The following ARHGAP24 variants were observed in gnomAD, a reference collection of about 807,000 sequenced individuals.
ARHGAP24 encodes Rho GTPase activating protein 24.
Under a neutral mutation model 76.4 loss-of-function variants are expected in ARHGAP24, and 50 were observed. That is an observed-to-expected ratio of 0.65 (90% CI 0.52 to 0.83). The LOEUF (loss-of-function observed/expected upper bound fraction) is 0.83. Ranked by LOEUF, ARHGAP24 falls within the 40% of genes least tolerant of loss-of-function variation. ARHGAP24 has a pLI of 0.00. For synonymous variants in ARHGAP24, 345 were observed against 323.3 expected (o/e 1.07, Z -0.72); for missense variants, 930 against 914.2 (o/e 1.02, Z -0.22).
chr4:85,707,091 A>T (rs1428692532), intron 2 of ARHGAP24, among the ~76,000 whole-genome samples: 2 of 152,102 alleles, frequency 1.3e-5, no homozygotes, highest in African/African-American at 4.8e-5. Context: ...ATTTTTAAAA[A>T]TTTTTTGTGG....
rs760179123 is a variant in ARHGAP24, at chr4:85,778,571, G to A, written c.268+56599G>A. On this transcript the variant is annotated intron_variant, in intron 3 of 9. Transcript: ENST00000395184. ...TTCACCCGGCTAAATTATATTTAAGGTCCTGATGAGCTTTCTATGATTCCT... is the reference window on the plus strand; with the variant it reads ...TTCACCCGGCTAAATTATATTTAAGATCCTGATGAGCTTTCTATGATTCCT... 3.5e-4 allele frequency: 246 copies of A among 702,950 alleles called. 1 individual carries two copies. Among genetic ancestry groups the A allele is most frequent in the Non-Finnish European group, 4.1e-4 (233 of 572,200 alleles). The allele number at this position is 702,950 out of a possible 1,614,324, so 43.5% of individuals were successfully genotyped here. A position where few individuals can be genotyped will look rare whatever the true frequency, so the allele number is the denominator to read the frequency against.
intron 7 of ARHGAP24, among the ~76,000 whole-genome samples, chr4:85,977,344 G>A (rs1316334362): frequency 6.6e-6 from 1 of 152,088 alleles, no homozygotes; most frequent in Admixed American, 6.5e-5. Context: ...ATCAAAGCAG[G>A]CCAGGCCAAG....
chr4:85,547,325 C>T (rs1725957456), intron 1 of ARHGAP24, among the ~76,000 whole-genome samples: 1 of 152,106 alleles, frequency 6.6e-6, no homozygotes, highest in Admixed American at 6.5e-5. Flanking sequence ...GTCTGTTTAT[C>T]CATAATTGGA....
At chr4:85,511,852 A>G (rs1024666976) in intron 1 of ARHGAP24, among the ~76,000 whole-genome samples, 4 of 152,128 alleles carry the variant, frequency 2.6e-5, no homozygotes, top group African/African-American at 9.7e-5. Context: ...CTGTGGGGGA[A>G]TCCTTCCTTT....
At chr4:85,626,798 C>G (rs1306867255) in intron 2 of ARHGAP24, among the ~76,000 whole-genome samples, 1 of 151,992 alleles carries the variant, frequency 6.6e-6, no homozygotes, top group Admixed American at 6.6e-5. Context: ...TTTCTCTAAA[C>G]TTCTCTTCTC....
At chr4:85,864,491 C>T (rs1240246051) in intron 3 of ARHGAP24, among the ~76,000 whole-genome samples, 1 of 151,960 alleles carries the variant, frequency 6.6e-6, no homozygotes, top group Non-Finnish European at 1.5e-5. Flanking sequence ...TCTTGAATTC[C>T]GTATCTTCTA....
chr4:85,635,884 T>G (rs1452617699), intron 2 of ARHGAP24, among the ~76,000 whole-genome samples: 1 of 151,914 alleles, frequency 6.6e-6, no homozygotes, highest in Non-Finnish European at 1.5e-5. Flanking sequence ...ATTATCAAAA[T>G]TTCCCTACGC....
At chr4:85,973,732 T>A (rs1739125740) in intron 6 of ARHGAP24, among the ~76,000 whole-genome samples, 1 of 152,114 alleles carries the variant, frequency 6.6e-6, no homozygotes, top group African/African-American at 2.4e-5. Flanking sequence ...ACTTAATTCT[T>A]CTTCATGTGG....
chr4:85,691,976 G>GC (rs1173262158), intron 2 of ARHGAP24, among the ~76,000 whole-genome samples: 2 of 152,116 alleles, frequency 1.3e-5, no homozygotes, highest in Non-Finnish European at 2.9e-5. Flanking sequence ...TGTTCTATTG[G>GC]TTCCACATTT....
At chr4:85,506,608 G>A (rs1265890138) in intron 1 of ARHGAP24, among the ~76,000 whole-genome samples, 2 of 149,392 alleles carry the variant, frequency 1.3e-5, no homozygotes, top group Non-Finnish European at 2.9e-5. Context: ...GAAAAGCACA[G>A]TATTTGGGCA....
chr4:85,734,796 A>T (rs1474581608), intron 3 of ARHGAP24, among the ~76,000 whole-genome samples: 1 of 152,034 alleles, frequency 6.6e-6, no homozygotes, highest in Non-Finnish European at 1.5e-5. Flanking sequence ...ATTTGTCATA[A>T]TGGGTTCTTT....
chr4:85,529,243 T>C (rs1249471476), intron 1 of ARHGAP24, among the ~76,000 whole-genome samples: 1 of 152,026 alleles, frequency 6.6e-6, no homozygotes, highest in Non-Finnish European at 1.5e-5. Flanking sequence ...AATCAAATTA[T>C]AGCTTTTGAC....
chr4:85,826,174 A>T (rs2110129416), intron 3 of ARHGAP24, among the ~76,000 whole-genome samples: 1 of 152,154 alleles, frequency 6.6e-6, no homozygotes, highest in African/African-American at 2.4e-5. Flanking sequence ...CTCGACCTCT[A>T]AAAAATGCTT....
intron 3 of ARHGAP24, among the ~76,000 whole-genome samples, chr4:85,903,566 A>G (rs1734613669): frequency 6.6e-6 from 1 of 152,138 alleles, no homozygotes; most frequent in South Asian, 2.1e-4. Context: ...TAAAGCTGCT[A>G]CAATGTACAA....
chr4:85,724,489 GTGTATATATATATATA>G lies in ARHGAP24; in HGVS notation c.268+2519_268+2534del, dbSNP rs1378805434. 7.7e-3 allele frequency among the ~76,000 whole-genome samples: 1,013 copies of G among 131,478 alleles called. 25 individuals carry two copies. The highest frequency in any genetic ancestry group is 0.027 in the African/African-American group (896 of 33,330). The allele number at this position is 131,478 out of a possible 152,430, so 86.3% of individuals were successfully genotyped here. A position where few individuals can be genotyped will look rare whatever the true frequency, so the allele number is the denominator to read the frequency against. On this transcript the variant is annotated intron_variant, in intron 3 of 9. Coordinates refer to ENST00000395184, the MANE Select transcript of ARHGAP24 (RefSeq NM_001025616.3). The stretch of plus-strand genomic sequence containing the variant: ...GTATGTCCTTATAATTTTTCCATGT[GTGTATATATATATATA>G]TATATATATATATATATATATATAG...
chr4:85,817,412 C>T (rs1729289058), intron 3 of ARHGAP24, among the ~76,000 whole-genome samples: 1 of 152,052 alleles, frequency 6.6e-6, no homozygotes, highest in Admixed American at 6.6e-5. Context: ...TTCTATAATC[C>T]ATTTCAAGGA....
chr4:85,686,107 T>C (rs1723413945), intron 2 of ARHGAP24, among the ~76,000 whole-genome samples: 1 of 152,212 alleles, frequency 6.6e-6, no homozygotes, highest in African/African-American at 2.4e-5. Context: ...GGATCAGCTC[T>C]CCCAGAGAAG....
At chr4:85,607,719 C>T (rs190546063) in intron 2 of ARHGAP24, among the ~76,000 whole-genome samples, 1 of 125,478 alleles carries the variant, frequency 8.0e-6, no homozygotes, top group East Asian at 3.1e-4. Flanking sequence ...CACGGCGTAG[C>T]TATGGCTCCA....
At chr4:85,752,075 C>G (rs1726284562) in intron 3 of ARHGAP24, among the ~76,000 whole-genome samples, 1 of 152,034 alleles carries the variant, frequency 6.6e-6, no homozygotes, top group Non-Finnish European at 1.5e-5. Context: ...GCCACATAGC[C>G]ATACAAGCAT....
Sources: allele counts gnomAD v4.1 joint callset (sites outside exome capture counted in the v4.1 genomes callset), GRCh38; gene constraint gnomAD v4.1.1; transcripts MANE v1.5; gene names NCBI Gene and HGNC (gene_info 2026-07-23, HGNC 2026-07-21).